SAMD13: variants seen among roughly 807,000 people sequenced by gnomAD.
SAMD13 encodes sterile alpha motif domain-containing protein 13.
Under a neutral mutation model 12.4 loss-of-function variants are expected in SAMD13, and 9 were observed. The ratio of observed to expected loss-of-function variants is 0.72; its 90% CI spans 0.44 to 1.26. The LOEUF (loss-of-function observed/expected upper bound fraction) is 1.26. Ranked by LOEUF, SAMD13 falls within the 50% of genes most tolerant of loss-of-function variation. The pLI is 0.00. For missense variants in SAMD13, 84 were observed against 119.6 expected (o/e 0.70, Z 1.39); for synonymous variants, 46 against 45.4 (o/e 1.01, Z -0.05).
chr1:84,328,015 T>C (rs1679093891), intron 3 of SAMD13, among the ~76,000 whole-genome samples: 1 of 152,184 alleles, frequency 6.6e-6, no homozygotes, highest in Non-Finnish European at 1.5e-5. Flanking sequence ...GTAGATAATA[T>C]TGTAAATGGT....
intron 2 of SAMD13, among the ~76,000 whole-genome samples, chr1:84,313,676 G>T (rs1158421497): frequency 6.6e-6 from 1 of 152,008 alleles, no homozygotes; most frequent in East Asian, 1.9e-4. Flanking sequence ...GAGAACTACT[G>T]CAGTAGAAAG....
At chr1:84,301,415 T>TG (rs1301427011), upstream of SAMD13, among the ~76,000 whole-genome samples, 1 of 152,228 alleles carries the variant, frequency 6.6e-6, no homozygotes. Context: ...AGACCTATCA[T>TG]GCAGCAACAA....
intron 2 of SAMD13, among the ~76,000 whole-genome samples, chr1:84,317,188 C>T (rs891822181): frequency 6.6e-6 from 1 of 151,898 alleles, no homozygotes; most frequent in Admixed American, 6.6e-5. Flanking sequence ...AATTTGGAGG[C>T]TATTTATTTC....
rs117602389 is a variant in SAMD13, at chr1:84,342,094, A to C, written c.166-7537A>C. On this transcript the variant is annotated intron_variant, in intron 3 of 3. Coordinates refer to ENST00000394834, the MANE Select transcript of SAMD13 (RefSeq NM_001134663.2). The stretch of plus-strand genomic sequence containing the variant: ...AAAAGAATAAGAAGACTGTGCAGGT[A>C]GTTTTATGGGCCTGAGAGACGCATG... Among the ~76,000 whole-genome samples, 18 of 152,284 alleles carry C rather than the reference A, an allele frequency of 1.2e-4. No homozygotes were observed. The East Asian group carries it at 3.3e-3, about 28-fold the overall frequency.
intron 2 of SAMD13, among the ~76,000 whole-genome samples, chr1:84,305,808 G>A (rs1289882290): frequency 6.6e-6 from 1 of 152,118 alleles, no homozygotes; most frequent in Non-Finnish European, 1.5e-5. Flanking sequence ...GATCACATAT[G>A]TGCAGGCTTA....
intron 2 of SAMD13, among the ~76,000 whole-genome samples, chr1:84,316,435 G>A (rs146612920): frequency 1.3e-5 from 2 of 152,036 alleles, no homozygotes; most frequent in African/African-American, 4.8e-5. Flanking sequence ...TCTTTTGCAT[G>A]TGGATATCCA....
chr1:84,343,183 T>C (rs1361083475), intron 3 of SAMD13, among the ~76,000 whole-genome samples: 2 of 152,148 alleles, frequency 1.3e-5, no homozygotes, highest in African/African-American at 4.8e-5. Context: ...AGAATGGCAA[T>C]TATTAAACAG....
rs191473726 is a variant in SAMD13, at chr1:84,303,039, G to A, written c.-32-164G>A. On this transcript the variant is annotated intron_variant, in intron 1 of 3. Coordinates refer to ENST00000394834, the MANE Select transcript of SAMD13 (RefSeq NM_001134663.2). Reference sequence around the variant, plus strand: ...CAATCCGTCTCCTCCAGTTCTTTAGGTTTAATCACATCTCTCCAATCGCCG... The same window carrying A: ...CAATCCGTCTCCTCCAGTTCTTTAGATTTAATCACATCTCTCCAATCGCCG... 5.4e-5 allele frequency: 30 copies of A among 556,454 alleles called. No homozygotes were observed. The African/African-American group carries it at 5.7e-4, about 11-fold the overall frequency. The allele number at this position is 556,454 out of a possible 1,614,324, so 34.5% of individuals were successfully genotyped here.
intron 3 of SAMD13, among the ~76,000 whole-genome samples, chr1:84,330,654 C>G (rs1679159196): frequency 6.6e-6 from 1 of 152,136 alleles, no homozygotes; most frequent in Non-Finnish European, 1.5e-5. Flanking sequence ...CTTCACCACT[C>G]AAATTGGACC....
At chr1:84,303,438 A>G in intron 2 of SAMD13, 151 bp downstream of exon 2, 1 of 549,400 alleles carries the variant, frequency 1.8e-6, no homozygotes, top group Non-Finnish European at 3.3e-6. Flanking sequence ...TCTCCCCCCT[A>G]CCCCAGTTAC....
chr1:84,304,301 A>G (rs1243886842), intron 2 of SAMD13: 2 of 152,194 alleles, frequency 1.3e-5, no homozygotes, highest in African/African-American at 4.8e-5. Context: ...GGAGAAATGA[A>G]AGAAACAGAT....
At chr1:84,349,076 G>A (rs1007916653) in intron 3 of SAMD13, among the ~76,000 whole-genome samples, 1 of 152,198 alleles carries the variant, frequency 6.6e-6, no homozygotes, top group Admixed American at 6.5e-5. Context: ...AGGAGAAGCA[G>A]AGGGGGATTA....
intron 3 of SAMD13, among the ~76,000 whole-genome samples, chr1:84,336,057 G>A (rs1469423722): frequency 2.6e-5 from 4 of 152,034 alleles, no homozygotes; most frequent in Non-Finnish European, 4.4e-5. Context: ...ATCTCACAAG[G>A]GCTGTCTGCA....
At chr1:84,306,631 C>T (rs1167298767) in intron 2 of SAMD13, among the ~76,000 whole-genome samples, 2 of 103,310 alleles carry the variant, frequency 1.9e-5, no homozygotes, top group Non-Finnish European at 3.7e-5. Context: ...AACCCCATCT[C>T]TACTAAAAAT....
intron 3 of SAMD13, among the ~76,000 whole-genome samples, chr1:84,331,890 C>T (rs1402658257): frequency 6.6e-6 from 1 of 152,012 alleles, no homozygotes; most frequent in Non-Finnish European, 1.5e-5. Flanking sequence ...CTCCTCCCAC[C>T]CTCCACCCTC....
At chr1:84,309,422 G>T (rs577210544) in intron 2 of SAMD13, among the ~76,000 whole-genome samples, 20 of 152,288 alleles carry the variant, frequency 1.3e-4, no homozygotes, top group African/African-American at 4.3e-4. Flanking sequence ...CTAAATGACT[G>T]TGATAAATGC....
chr1:84,338,785 T>A (rs902002353), intron 3 of SAMD13, among the ~76,000 whole-genome samples: 60 of 152,084 alleles, frequency 3.9e-4, no homozygotes, highest in African/African-American at 1.4e-3. Flanking sequence ...ACTTATTCAC[T>A]ATCCTGAGAA....
At chr1:84,301,680 G>A (rs906330594), upstream of SAMD13, 13 of 985,280 alleles carry the variant, frequency 1.3e-5, no homozygotes, top group Non-Finnish European at 1.4e-5. Context: ...TTATTTCACT[G>A]TGTCAAATTG....
At chr1:84,335,708 C>T (rs988284269) in intron 3 of SAMD13, among the ~76,000 whole-genome samples, 3 of 152,210 alleles carry the variant, frequency 2.0e-5, no homozygotes, top group African/African-American at 7.2e-5. Context: ...TTATTTAGCA[C>T]TCCCTTAAGG....
Sources: gnomAD v4.1 joint callset for allele counts (sites outside exome capture counted in the v4.1 genomes callset) on GRCh38, gnomAD v4.1.1 for gene constraint, MANE v1.5 for transcripts, NCBI Gene and HGNC (gene_info 2026-07-23, HGNC 2026-07-21) for gene names.